MED13L: variants seen among roughly 807,000 people sequenced by gnomAD.
MED13L encodes the protein mediator of RNA polymerase II transcription subunit 13-like.
MED13L carries 7 observed loss-of-function variants against 220.9 expected under a neutral mutation model. The observed-to-expected ratio is 0.03, with a 90% confidence interval of 0.02 to 0.06. MED13L has a LOEUF of 0.06. Ranked by LOEUF, MED13L falls within the 10% of genes least tolerant of loss-of-function variation. The pLI, the probability that MED13L is intolerant of heterozygous loss-of-function variation, is 1.00. For missense variants in MED13L, 1,965 were observed against 2,760.5 expected, an observed-to-expected ratio of 0.71 and a Z score of 6.46; for synonymous variants, 1,011 against 1,015.2, an observed-to-expected ratio of 1.00 and a Z score of 0.08.
chr12:116,096,694 T>C lies in MED13L; in HGVS notation c.454A>G (p.Lys152Glu). Reference protein sequence around the residue: ...IGKWFVRPYEKDEKPVNKSEH... With the variant: ...IGKWFVRPYEEDEKPVNKSEH... Reference sequence around the variant, plus strand: ...CTTTTGTTGACTGGCTTTTCATCCTTTTCGTAGGGTCGGACAAACCATTTC... The same window carrying C: ...CTTTTGTTGACTGGCTTTTCATCCTCTTCGTAGGGTCGGACAAACCATTTC... Residue 152 changes from lysine (K) to glutamate (E), a missense_variant, in exon 4 of 31, where the codon AAG (lysine) becomes GAG (glutamate). Physicochemically the swap from Lys to Glu is moderately conservative, Grantham distance 56 (BLOSUM62 1). Coordinates refer to ENST00000281928, the MANE Select transcript of MED13L (RefSeq NM_015335.5). 2 of 1,614,030 alleles carry C rather than the reference T, an allele frequency of 1.2e-6. No homozygotes were observed. The highest frequency in any genetic ancestry group is 2.2e-5 in the South Asian group (2 of 91,074).
At chr12:116,273,442 C>G (rs546035636) in intron 1 of MED13L, among the ~76,000 whole-genome samples, 1 of 151,918 alleles carries the variant, frequency 6.6e-6, no homozygotes, top group Non-Finnish European at 1.5e-5. Context: ...AGAAATCATT[C>G]CCTTTTCCTA....
intron 2 of MED13L, among the ~76,000 whole-genome samples, chr12:116,166,126 A>T (rs1380682474): frequency 6.6e-6 from 1 of 152,178 alleles, no homozygotes; most frequent in Non-Finnish European, 1.5e-5. Flanking sequence ...CACCTTGGGA[A>T]GCTGAGGCAG....
At chr12:116,199,865 A>C (rs2138304059) in intron 2 of MED13L, among the ~76,000 whole-genome samples, 1 of 152,312 alleles carries the variant, frequency 6.6e-6, no homozygotes, top group Non-Finnish European at 1.5e-5. Context: ...AAAGAGCATC[A>C]GTCAGAAGGA....
rs200257416 is a variant in MED13L at position 116,007,532 on chromosome 12, C to T, written c.2117G>A (p.Gly706Glu). 9 of 1,613,504 alleles carry T rather than the reference C, an allele frequency of 5.6e-6. No individual in the cohort carries two copies. Among genetic ancestry groups the T allele is most frequent in the East Asian group, 2.2e-5 (1 of 44,846 alleles). The change falls in exon 11 of 31, where the codon GGA becomes GAA. Residue 706 changes from glycine (G) to glutamate (E), a missense_variant. Coordinates refer to ENST00000281928, the MANE Select transcript of MED13L (RefSeq NM_015335.5). Reference protein sequence around the residue: ...LDPLPLSQQPGDSLGEVNDPY... With the variant: ...LDPLPLSQQPEDSLGEVNDPY... Reference sequence around the variant, plus strand: ...GTCATTCACTTCTCCCAAACTGTCTCCAGGTTGTTGTGATAGAGGCAATGG... The same window carrying T: ...GTCATTCACTTCTCCCAAACTGTCTTCAGGTTGTTGTGATAGAGGCAATGG...
intron 2 of MED13L, among the ~76,000 whole-genome samples, chr12:116,126,748 CT>C (rs1233907792): frequency 6.6e-6 from 1 of 152,192 alleles, no homozygotes; most frequent in Non-Finnish European, 1.5e-5. Flanking sequence ...TCTTTACTTT[CT>C]TTGAGATTCT....
intron 4 of MED13L, among the ~76,000 whole-genome samples, chr12:116,042,947 C>G (rs1378432564): frequency 6.6e-6 from 1 of 152,150 alleles, no homozygotes; most frequent in Non-Finnish European, 1.5e-5. Context: ...GGATAAAGGG[C>G]TATATTTACC....
intron 3 of MED13L, among the ~76,000 whole-genome samples, chr12:116,100,722 A>T (rs1242390936): frequency 6.6e-6 from 1 of 152,086 alleles, no homozygotes; most frequent in Non-Finnish European, 1.5e-5. Flanking sequence ...ACCAGACAAC[A>T]TAGTGGAACC....
In MED13L at chr12:116,263,348, T is replaced by G. The variant is rs548903665; in HGVS notation, c.72+13712A>C. Among the ~76,000 whole-genome samples, 87 of 152,254 alleles carry G rather than the reference T, an allele frequency of 5.7e-4. No homozygotes were observed. In the South Asian group the frequency reaches 0.018, roughly 31 times the overall value. On this transcript the variant is annotated intron_variant, in intron 1 of 30. Transcript: ENST00000281928. Reference sequence around the variant, plus strand: ...AAGTAAAACTGACTGAGAAAAGGTCTAAAAATCTCATTATATTTCTGAATT... The same window carrying G: ...AAGTAAAACTGACTGAGAAAAGGTCGAAAAATCTCATTATATTTCTGAATT...
At position 115,971,961 on chromosome 12, in the gene MED13L, C is replaced by T; in HGVS notation, c.5890+117G>A. 2.5e-6 allele frequency: 3 copies of T among 1,214,688 alleles called. No individual in the cohort carries two copies. In the Admixed American group the frequency reaches 6.0e-5, roughly 24 times the overall value. The allele number at this position is 1,214,688 out of a possible 1,614,324, so 75.2% of individuals were successfully genotyped here. On this transcript the variant is annotated intron_variant, in intron 26 of 30. Coordinates refer to ENST00000281928, the MANE Select transcript of MED13L (RefSeq NM_015335.5). ...GTTTTCCATCTTTAAGCCCCAAATACAATCTTCCCTTATAGAAATATAATG... is the reference window on the plus strand; with the variant it reads ...GTTTTCCATCTTTAAGCCCCAAATATAATCTTCCCTTATAGAAATATAATG...
intron 3 of MED13L, among the ~76,000 whole-genome samples, chr12:116,102,697 CTTTTTCTTTTTT>C (rs1873165892): frequency 1.4e-5 from 1 of 73,274 alleles, no homozygotes; most frequent in African/African-American, 4.5e-5. Flanking sequence ...TTTTCTTTTT[CTTTTTCTTTTTT>C]CTTTTTTTTT....
At chr12:116,083,127 C>T (rs966445543) in intron 4 of MED13L, among the ~76,000 whole-genome samples, 1 of 152,116 alleles carries the variant, frequency 6.6e-6, no homozygotes, top group African/African-American at 2.4e-5. Flanking sequence ...CTTGTGCAGG[C>T]CAGGCGTGGT....
intron 22 of MED13L, 88 bp from the exon 23 acceptor site, chr12:115,981,026 C>A (rs949239486): frequency 1.8e-6 from 2 of 1,122,764 alleles, no homozygotes; most frequent in African/African-American, 1.6e-5. Context: ...AAAAAGGAAA[C>A]GGCATGAATT....
At chr12:116,255,798 G>A (rs1871990197) in intron 1 of MED13L, among the ~76,000 whole-genome samples, 1 of 152,144 alleles carries the variant, frequency 6.6e-6, no homozygotes, top group Non-Finnish European at 1.5e-5. Context: ...ATTACAAACT[G>A]AAATAAGTTA....
intron 2 of MED13L, among the ~76,000 whole-genome samples, chr12:116,183,811 T>G (rs1185492043): frequency 1.2e-4 from 10 of 84,228 alleles, no homozygotes; most frequent in Admixed American, 7.7e-4. Flanking sequence ...ATGGTGTGTG[T>G]GTGTGTGTAT....
At chr12:116,020,428 T>C (rs1208510677) in intron 5 of MED13L, among the ~76,000 whole-genome samples, 1 of 152,210 alleles carries the variant, frequency 6.6e-6, no homozygotes, top group African/African-American at 2.4e-5. Context: ...TCATTCAACA[T>C]GGAGACCGCA....
At chr12:116,247,023 G>A (rs1467514727) in intron 1 of MED13L, among the ~76,000 whole-genome samples, 4 of 152,036 alleles carry the variant, frequency 2.6e-5, no homozygotes, top group East Asian at 1.9e-4. Flanking sequence ...CCTCCTCTTC[G>A]ATAGTGGAAG....
At chr12:116,152,898 T>C (rs773600544) in intron 2 of MED13L, among the ~76,000 whole-genome samples, 1 of 151,956 alleles carries the variant, frequency 6.6e-6, no homozygotes, top group Admixed American at 6.6e-5. Context: ...ATATTCTATC[T>C]AGATTTTCAT....
chr12:115,991,258 T>C lies in MED13L; in HGVS notation c.3696A>G (p.Gln1232=). The C allele has an allele frequency of 1.2e-6, 2 of 1,614,204 alleles. No individual in the cohort carries two copies. Among genetic ancestry groups the C allele is most frequent in the East Asian group, 2.2e-5 (1 of 44,886 alleles). Residue 1232 remains glutamine (Q), a synonymous_variant, in exon 17 of 31, where the codon CAA becomes CAG. Coordinates refer to ENST00000281928, the MANE Select transcript of MED13L (RefSeq NM_015335.5). The surrounding 1 kb of genome is among the most constrained non-coding windows in gnomAD (Gnocchi z 7.7). ...PISLLLLLQN[Q]HTQPFASLNF... ...TCAGTGAAGCAAAAGGTTGTGTGTG[T>C]TGATTCTGGAGGAGGAGGAGAAGGC...
At chr12:116,204,938 G>A (rs1423378620) in intron 2 of MED13L, among the ~76,000 whole-genome samples, 2 of 152,180 alleles carry the variant, frequency 1.3e-5, no homozygotes, top group Non-Finnish European at 2.9e-5. Flanking sequence ...AAGCAGCAGT[G>A]TAGTGTCAGT....
Sources: allele counts gnomAD v4.1 joint callset (sites outside exome capture counted in the v4.1 genomes callset), GRCh38; gene constraint gnomAD v4.1.1; non-coding constraint Gnocchi (gnomAD v3.1); transcripts MANE v1.5; gene names NCBI Gene and HGNC (gene_info 2026-07-23, HGNC 2026-07-21).